Variants in NBN observed in about 807,000 individuals in gnomAD.
The protein encoded by NBN is Nijmegen breakage syndrome 1 (nibrin).
Under a neutral mutation model 90.8 loss-of-function variants are expected in NBN, and 88 were observed. The observed-to-expected ratio is 0.97, with a 90% CI of 0.82 to 1.16. The LOEUF (loss-of-function observed/expected upper bound fraction) is 1.16, where lower values mean the gene tolerates loss of function less well. Among genes scored for constraint, NBN ranks in the 50% most tolerant of loss-of-function variants. The probability of loss-of-function intolerance (pLI) is 0.00; values close to 1 mark genes in which losing one functional copy is unlikely to be tolerated. For missense variants in NBN, 894 were observed against 869.6 expected, an observed-to-expected ratio of 1.03 and a Z score of -0.35; for synonymous variants, 328 against 295.1, an observed-to-expected ratio of 1.11 and a Z score of -1.14.
chr8:89,947,215 A>C (rs1015626305), intron 12 of NBN, among the ~76,000 whole-genome samples: 3 of 152,182 alleles, frequency 2.0e-5, no homozygotes, highest in African/African-American at 7.2e-5. Flanking sequence ...CATTTTATAG[A>C]GTATTTGAGG....
chr8:89,967,131 G>C, intron 7 of NBN, among the ~76,000 whole-genome samples: 1 of 152,174 alleles, frequency 6.6e-6, no homozygotes, highest in East Asian at 1.9e-4. Context: ...CCCAGTGTCC[G>C]TGTGGGTTTT....
In NBN at chr8:89,947,862, G is replaced by T; in HGVS notation, c.1876C>A (p.Leu626Ile). 6.3e-7 allele frequency: 1 copy of T among 1,581,342 alleles called. No homozygotes were observed. The highest frequency in any genetic ancestry group is 8.7e-7 in the Non-Finnish European group (1 of 1,154,868). The change falls in exon 12 of 16, where the codon CTC becomes ATC. Residue 626 changes from leucine (L) to isoleucine (I), a missense_variant. Leu to Ile is a conservative substitution (Grantham distance 5). Coordinates refer to ENST00000265433, the MANE Select transcript of NBN (RefSeq NM_002485.5). ...QENEIGKKRE[L>I]KEDSLWSAKE... ...GCTGACCATAGTGAGTCTTCCTTGA[G>T]TTCACGTTTCTTCCCAATTTCATTT...
At chr8:89,977,966 T>C (rs1483954566) in intron 5 of NBN, among the ~76,000 whole-genome samples, 1 of 152,240 alleles carries the variant, frequency 6.6e-6, no homozygotes, top group African/African-American at 2.4e-5. Context: ...TCAGTGCCAT[T>C]TACTGTCTTT....
At chr8:89,944,265 G>A (rs1171798597) in intron 13 of NBN, among the ~76,000 whole-genome samples, 2 of 152,114 alleles carry the variant, frequency 1.3e-5, no homozygotes, top group Non-Finnish European at 2.9e-5. Context: ...GCTAACTGGA[G>A]GCAAAACTCC....
intron 8 of NBN, among the ~76,000 whole-genome samples, chr8:89,962,992 C>G (rs1811065891): frequency 6.6e-6 from 1 of 152,140 alleles, no homozygotes; most frequent in Admixed American, 6.5e-5. Context: ...AATTTCCTCT[C>G]TGTCCGTCAG....
Position 89,941,871 on chromosome 8 carries a change from A to G in NBN, c.2184+1382T>C, listed in dbSNP as rs538239452. ...GAGTGACCTTAACAACTCTACTTTCATAAGTGACTTTCCTAAATAACCCTT... is the reference window on the plus strand; with the variant it reads ...GAGTGACCTTAACAACTCTACTTTCGTAAGTGACTTTCCTAAATAACCCTT... On this transcript the variant is annotated intron_variant, in intron 14 of 15. Coordinates refer to ENST00000265433, the MANE Select transcript of NBN (RefSeq NM_002485.5). Among the ~76,000 whole-genome samples, 23 of 152,334 alleles carry G rather than the reference A, an allele frequency of 1.5e-4. No homozygotes were observed. The East Asian group carries it at 3.7e-3, about 24-fold the overall frequency.
intron 8 of NBN, among the ~76,000 whole-genome samples, chr8:89,962,884 G>A (rs920874534): frequency 5.3e-5 from 8 of 151,898 alleles, no homozygotes; most frequent in African/African-American, 1.2e-4. Context: ...TTCTCAAAAC[G>A]TCACACATTA....
chr8:89,979,885 A>G (rs1811973201), intron 4 of NBN, among the ~76,000 whole-genome samples: 1 of 152,250 alleles, frequency 6.6e-6, no homozygotes, highest in Non-Finnish European at 1.5e-5. Context: ...AAGCTAGTGT[A>G]TGATTACTTA....
chr8:89,942,585 C>T (rs1809999888), intron 14 of NBN, among the ~76,000 whole-genome samples: 1 of 152,030 alleles, frequency 6.6e-6, no homozygotes. Context: ...GCTTGAAAAA[C>T]AGCAAGGAAC....
chr8:89,943,386 G>C lies in NBN; in HGVS notation c.2071-20C>G, dbSNP rs2130756452. Reference sequence around the variant, plus strand: ...TGTGACCTATTGAATAATAAAAGTAGTACAGTAAATCATATTAACAAACAA... The same window carrying C: ...TGTGACCTATTGAATAATAAAAGTACTACAGTAAATCATATTAACAAACAA... On this transcript the variant is annotated intron_variant, in intron 13 of 15. Coordinates refer to ENST00000265433, the MANE Select transcript of NBN (RefSeq NM_002485.5). 6.3e-7 allele frequency: 1 copy of C among 1,596,320 alleles called. No individual in the cohort carries two copies. The highest frequency in any genetic ancestry group is 8.6e-7 in the Non-Finnish European group (1 of 1,164,464).
At chr8:89,975,705 A>C (rs562090706) in intron 5 of NBN, among the ~76,000 whole-genome samples, 2 of 152,216 alleles carry the variant, frequency 1.3e-5, no homozygotes, top group Non-Finnish European at 2.9e-5. Flanking sequence ...TTGGTCAAAA[A>C]CAACCTTAGG....
chr8:89,935,698 C>T, intron 15 of NBN, 86 bp from the exon 16 acceptor site: 2 of 1,519,494 alleles, frequency 1.3e-6, no homozygotes, highest in Non-Finnish European at 9.0e-7. Flanking sequence ...ACTGTAGTCA[C>T]ACTTTGGCAA....
intron 4 of NBN, among the ~76,000 whole-genome samples, chr8:89,979,942 C>A (rs767935192): frequency 6.6e-6 from 1 of 152,200 alleles, no homozygotes; most frequent in Non-Finnish European, 1.5e-5. Context: ...CTAGGGCCCA[C>A]ACTTAAATAT....
In NBN at chr8:89,978,254, C is replaced by A. The variant is rs1554566641; in HGVS notation, c.550G>T (p.Val184Phe). 2 of 1,605,738 alleles carry A rather than the reference C, an allele frequency of 1.2e-6. No homozygotes were observed. Among genetic ancestry groups the A allele is most frequent in the South Asian group, 1.1e-5 (1 of 90,824 alleles). The part of the protein sequence containing the change: ...PEYFTEFLKA[V>F]ESKKQPPQIE... ...TGTGGAGGCTGCTTCTTGGACTCAA[C>A]TGCTTTCAGGAATTCAGTAAAATAT... The change falls in exon 5 of 16, where the codon GTT becomes TTT. Residue 184 changes from valine to phenylalanine, a missense_variant. Coordinates refer to ENST00000265433, the MANE Select transcript of NBN (RefSeq NM_002485.5).
At chr8:89,984,371 A>G (rs989541454) in intron 1 of NBN, 154 bp downstream of exon 1, 2 of 731,486 alleles carry the variant, frequency 2.7e-6, no homozygotes, top group Non-Finnish European at 4.7e-6. Flanking sequence ...CGGGAAGAAT[A>G]TGCGCTTGCC....
intron 7 of NBN, among the ~76,000 whole-genome samples, chr8:89,967,555 C>G (rs1011721042): frequency 6.6e-6 from 1 of 152,052 alleles, no homozygotes; most frequent in Non-Finnish European, 1.5e-5. Flanking sequence ...ATGATTCATC[C>G]AATTCTGTGC....
intron 5 of NBN, among the ~76,000 whole-genome samples, chr8:89,975,109 A>T (rs1402019212): frequency 6.6e-6 from 1 of 152,200 alleles, no homozygotes; most frequent in Non-Finnish European, 1.5e-5. Context: ...AAATGACTTC[A>T]TCTACTTTAC....
intron 1 of NBN, 58 bp from the exon 2 acceptor site, chr8:89,982,913 GAA>G: frequency 6.6e-7 from 1 of 1,524,812 alleles, no homozygotes; most frequent in Non-Finnish European, 9.1e-7. Context: ...ACATGTACAC[GAA>G]CACACACATA....
rs13312854 is a variant in NBN, at chr8:89,982,589, T to C, written c.171+133A>G. 5,248 of 807,730 alleles carry C rather than the reference T, an allele frequency of 6.5e-3. 181 individuals carry two copies. In the African/African-American group the frequency reaches 0.077, roughly 12 times the overall value. 50.0% of individuals were successfully genotyped at this position (807,730 alleles called of 1,614,324 possible). A position where few individuals can be genotyped will look rare whatever the true frequency, so the allele number is the denominator to read the frequency against. On this transcript the variant is annotated intron_variant, in intron 2 of 15. Coordinates refer to ENST00000265433, the MANE Select transcript of NBN (RefSeq NM_002485.5). ...CCACAATATAAGTATTTAATTTTGT[T>C]AACATTAAAAAAGTCTACACAGCTC...
Sources: gnomAD v4.1 joint callset for allele counts (sites outside exome capture counted in the v4.1 genomes callset) on GRCh38, gnomAD v4.1.1 for gene constraint, MANE v1.5 for transcripts, NCBI Gene and HGNC (gene_info 2026-07-23, HGNC 2026-07-21) for gene names.